The following GRSF1 variants were observed in gnomAD, a reference collection of about 807,000 sequenced individuals.
The protein encoded by GRSF1 is G-rich RNA sequence binding factor 1.
A neutral mutation model predicts 51.1 loss-of-function variants in GRSF1; 50 were observed. The observed-to-expected ratio is 0.98, with a 90% CI of 0.78 to 1.24. GRSF1 has a LOEUF of 1.24. Ranked by LOEUF, GRSF1 falls within the 50% of genes most tolerant of loss-of-function variation. The pLI, the probability that GRSF1 is intolerant of heterozygous loss-of-function variation, is 0.00. For synonymous variants in GRSF1, 293 were observed against 253.3 expected, an observed-to-expected ratio of 1.16 and a Z score of -1.49; for missense variants, 700 against 639.7, an observed-to-expected ratio of 1.09 and a Z score of -1.02.
chr4:70,826,444 G>GT (rs988679929), intron 6 of GRSF1, among the ~76,000 whole-genome samples, 199 bp from the exon 7 acceptor site: 11 of 151,480 alleles, frequency 7.3e-5, no homozygotes, highest in Admixed American at 2.6e-4. Context: ...ACCATTACCA[G>GT]TTTAAGAACT....
Position 70,838,770 on chromosome 4 carries a change from T to C in GRSF1, c.357+701A>G, listed in dbSNP as rs1578311899. The C allele has an allele frequency of 6.7e-5, 11 of 163,422 alleles. No individual in the cohort carries two copies. In the South Asian group the frequency reaches 1.6e-3, roughly 24 times the overall value. The allele number at this position is 163,422 out of a possible 1,614,324, so 10.1% of individuals were successfully genotyped here. A position where few individuals can be genotyped will look rare whatever the true frequency, so the allele number is the denominator to read the frequency against. Reference sequence around the variant, plus strand: ...TTCATTCCTGGGACCCCAAGTTGTGTCCTCAACCCTCAACGCTCCCTCCCA... The same window carrying C: ...TTCATTCCTGGGACCCCAAGTTGTGCCCTCAACCCTCAACGCTCCCTCCCA... On this transcript the variant is annotated intron_variant, in intron 1 of 9. Coordinates refer to ENST00000254799, the MANE Select transcript of GRSF1 (RefSeq NM_002092.4).
Position 70,820,394 on chromosome 4 carries a change from AGTTCAAAGGTCTGAAACC to A in GRSF1, c.*475_*492del, listed in dbSNP as rs1347079902. On this transcript the variant is annotated 3_prime_UTR_variant, in exon 10 of 10. Transcript: ENST00000254799. Reference sequence around the variant, plus strand: ...TAAAACTATTCTGCCAAACCATACCAGTTCAAAGGTCTGAAACCGTTCTTTGCTTTGGTGAATGTTTGG... The same window carrying A: ...TAAAACTATTCTGCCAAACCATACCAGTTCTTTGCTTTGGTGAATGTTTGG... 8 of 152,632 alleles carry A rather than the reference AGTTCAAAGGTCTGAAACC, an allele frequency of 5.2e-5. No individual in the cohort carries two copies. Among genetic ancestry groups the A allele is most frequent in the Non-Finnish European group, 1.2e-4 (8 of 68,044 alleles). 9.5% of individuals were successfully genotyped at this position (152,632 alleles called of 1,614,324 possible).
In GRSF1 at chr4:70,839,755, T is replaced by TGCGCCGGC; in HGVS notation, c.65_72dup (p.Thr25AlafsTer121). The TGCGCCGGC allele has an allele frequency of 3.3e-6, 5 of 1,503,414 alleles. No individual in the cohort carries two copies. The highest frequency in any genetic ancestry group is 5.6e-5 in the East Asian group (2 of 36,014). The allele number at this position is 1,503,414 out of a possible 1,614,324, so 93.1% of individuals were successfully genotyped here. A position where few individuals can be genotyped will look rare whatever the true frequency, so the allele number is the denominator to read the frequency against. On this transcript the variant is annotated frameshift_variant, in exon 1 of 10. Coordinates refer to ENST00000254799, the MANE Select transcript of GRSF1 (RefSeq NM_002092.4). LOFTEE classifies it high-confidence loss of function. ...TAGAAGGGCAGGCAGGCGGCGCCGG[T>TGCGCCGGC]GCGCCGGCAGCTGCTGCAGTTACAG...
intron 5 of GRSF1, among the ~76,000 whole-genome samples, chr4:70,829,068 T>A (rs997689498): frequency 1.3e-5 from 2 of 151,836 alleles, no homozygotes; most frequent in African/African-American, 4.8e-5. Flanking sequence ...TATTTTTTAT[T>A]TTTGTAGACA....
chr4:70,836,128 AT>A (rs760580484), intron 2 of GRSF1, 29 bp downstream of exon 2: 20 of 1,304,796 alleles, frequency 1.5e-5, no homozygotes, highest in East Asian at 5.7e-5. Context: ...AGGAAAAAAA[AT>A]AAATAAATAA....
intron 3 of GRSF1, 51 bp downstream of exon 3, chr4:70,833,067 T>C (rs1268298854): frequency 6.5e-7 from 1 of 1,529,706 alleles, no homozygotes. Context: ...CCTTGAAAAG[T>C]ATAAAACCTA....
intron 3 of GRSF1, 123 bp downstream of exon 3, chr4:70,832,995 C>A: frequency 1.2e-6 from 1 of 827,296 alleles, no homozygotes; most frequent in South Asian, 2.0e-5. Context: ...ATTTTCACAT[C>A]CTATAAAAGA....
chr4:70,819,578 C>T lies in GRSF1; in HGVS notation c.*1309G>A, dbSNP rs1051693387. 4 of 152,402 alleles carry T rather than the reference C, an allele frequency of 2.6e-5. No homozygotes were observed. The highest frequency in any genetic ancestry group is 9.7e-5 in the African/African-American group (4 of 41,430). The allele number at this position is 152,402 out of a possible 1,614,324, so 9.4% of individuals were successfully genotyped here. A position where few individuals can be genotyped will look rare whatever the true frequency, so the allele number is the denominator to read the frequency against. ...TTTATTGACTACAGTACAGTGATTTCGCATCTTAGCTGGTAATCAAAGATG... is the reference window on the plus strand; with the variant it reads ...TTTATTGACTACAGTACAGTGATTTTGCATCTTAGCTGGTAATCAAAGATG... On this transcript the variant is annotated 3_prime_UTR_variant, in exon 10 of 10. Transcript: ENST00000254799.
intron 6 of GRSF1, among the ~76,000 whole-genome samples, chr4:70,826,465 T>C (rs974461105): frequency 3.3e-5 from 5 of 152,058 alleles, no homozygotes; most frequent in African/African-American, 9.6e-5. Context: ...TAGCCCTTTT[T>C]GTAACATCAG....
chr4:70,827,203 G>A lies in GRSF1; in HGVS notation c.1135+649C>T, dbSNP rs142992734. On this transcript the variant is annotated intron_variant, in intron 6 of 9. Coordinates refer to ENST00000254799, the MANE Select transcript of GRSF1 (RefSeq NM_002092.4). ...CTCGGGAGGCTGAGGCAGGATGATG[G>A]CGTGAACCTGGGAGGCGGAACCTGC... 2.2e-3 allele frequency among the ~76,000 whole-genome samples: 327 copies of A among 151,746 alleles called. 2 individuals carry two copies. The highest frequency in any genetic ancestry group is 7.4e-3 in the African/African-American group (307 of 41,410).
intron 2 of GRSF1, among the ~76,000 whole-genome samples, chr4:70,833,749 G>C (rs1734078121): frequency 6.6e-6 from 1 of 151,724 alleles, no homozygotes; most frequent in South Asian, 2.1e-4. Context: ...GAACTCTTGG[G>C]CTTAAGTAAT....
intron 1 of GRSF1, chr4:70,838,918 CTCG>C: frequency 5.6e-5 from 19 of 339,324 alleles, no homozygotes; most frequent in South Asian, 4.6e-4. Context: ...ACCGGGACAG[CTCG>C]TCTTTCCCTG....
Position 70,816,444 on chromosome 4 carries a change from CTGGGTGT to C in GRSF1, c.*4436_*4442del, listed in dbSNP as rs1733313164. 5.3e-5 allele frequency: 8 copies of C among 152,156 alleles called. 1 individual carries two copies. The highest frequency in any genetic ancestry group is 4.6e-4 in the Admixed American group (7 of 15,268). 9.4% of individuals were successfully genotyped at this position (152,156 alleles called of 1,614,324 possible). ...TCCCTCAAAAAAACTCCAATGACGG[CTGGGTGT>C]GGTGGCTGATGCCTGTAATCCCAGC... is the stretch of plus-strand genomic sequence containing the variant. On this transcript the variant is annotated 3_prime_UTR_variant, in exon 10 of 10. Transcript: ENST00000254799.
rs1366828402 is a variant in GRSF1, at chr4:70,816,736, A to G, written c.*4151T>C. The G allele has an allele frequency of 6.6e-6, 1 of 152,240 alleles. No homozygotes were observed. Among genetic ancestry groups the G allele is most frequent in the South Asian group, 2.1e-4 (1 of 4,830 alleles). 9.4% of individuals were successfully genotyped at this position (152,240 alleles called of 1,614,324 possible). On this transcript the variant is annotated 3_prime_UTR_variant, in exon 10 of 10. Transcript: ENST00000254799. ...CGACTGTCTCAAACACAAAAAACAAAAACAAAAACAAATTCCCATGACATG... is the reference window on the plus strand; with the variant it reads ...CGACTGTCTCAAACACAAAAAACAAGAACAAAAACAAATTCCCATGACATG...
chr4:70,837,752 C>G (rs971418570), intron 1 of GRSF1, among the ~76,000 whole-genome samples: 3 of 150,816 alleles, frequency 2.0e-5, no homozygotes, highest in Non-Finnish European at 3.0e-5. Flanking sequence ...TCTCCTGCCT[C>G]AGCCTCCCGG....
rs568098712 is a variant in GRSF1 at position 70,839,529 on chromosome 4, G to C, written c.299C>G (p.Ser100Cys). 8 of 1,447,800 alleles carry C rather than the reference G, an allele frequency of 5.5e-6. No individual in the cohort carries two copies. The African/African-American group carries it at 1.0e-4, about 19-fold the overall frequency. The allele number at this position is 1,447,800 out of a possible 1,614,324, so 89.7% of individuals were successfully genotyped here. Residue 100 changes from serine (S) to cysteine (C), a missense_variant, in exon 1 of 10, where the codon TCT (serine) becomes TGT (cysteine). Physicochemically the swap from Ser to Cys is moderately radical, Grantham distance 112 (BLOSUM62 -1). Coordinates refer to ENST00000254799, the MANE Select transcript of GRSF1 (RefSeq NM_002092.4). ...AAASYSALRA[S>C]LLPQSLAAAA... Reference sequence around the variant, plus strand: ...CGCCGCCAGCGACTGCGGCAGCAGAGAGGCACGGAGGGCAGAGTAGGACGC... The same window carrying C: ...CGCCGCCAGCGACTGCGGCAGCAGACAGGCACGGAGGGCAGAGTAGGACGC...
At chr4:70,827,764 C>G in intron 6 of GRSF1, 88 bp downstream of exon 6, 1 of 903,574 alleles carries the variant, frequency 1.1e-6, no homozygotes, top group Non-Finnish European at 1.7e-6. Context: ...GGCAACAGAG[C>G]GAGACTTCAT....
upstream of GRSF1, among the ~76,000 whole-genome samples, chr4:70,843,120 T>G (rs1231271244): frequency 1.3e-5 from 2 of 152,348 alleles, no homozygotes; most frequent in South Asian, 2.1e-4. Flanking sequence ...TGGTTTGGAC[T>G]GAGCTCTTCT....
rs1204102088 is a variant in GRSF1 at position 70,820,816 on chromosome 4, C to G, written c.*71G>C. On this transcript the variant is annotated 3_prime_UTR_variant, in exon 10 of 10. Coordinates refer to ENST00000254799, the MANE Select transcript of GRSF1 (RefSeq NM_002092.4). Reference sequence around the variant, plus strand: ...CTGCTAATAAACTGGAACTGTATATCCCAAGTCCAAGAAAGATGTGCAAAT... The same window carrying G: ...CTGCTAATAAACTGGAACTGTATATGCCAAGTCCAAGAAAGATGTGCAAAT... 1 of 152,624 alleles carries G rather than the reference C, an allele frequency of 6.6e-6. No individual in the cohort carries two copies. Among genetic ancestry groups the G allele is most frequent in the Non-Finnish European group, 1.5e-5 (1 of 68,044 alleles). The allele number at this position is 152,624 out of a possible 1,614,324, so 9.5% of individuals were successfully genotyped here. A position where few individuals can be genotyped will look rare whatever the true frequency, so the allele number is the denominator to read the frequency against.
Sources: allele counts gnomAD v4.1 joint callset (sites outside exome capture counted in the v4.1 genomes callset), GRCh38; gene constraint gnomAD v4.1.1; transcripts MANE v1.5; gene names NCBI Gene and HGNC (gene_info 2026-07-23, HGNC 2026-07-21).